The following DPYD variants were observed in gnomAD, a reference collection of about 807,000 sequenced individuals.
DPYD encodes dihydropyrimidine dehydrogenase.
In DPYD, 109 loss-of-function variants were observed where a neutral mutation model predicts 116.2. The observed-to-expected ratio is 0.94, with a 90% CI of 0.80 to 1.10. The LOEUF (loss-of-function observed/expected upper bound fraction) is 1.10, where lower values mean the gene tolerates loss of function less well. Ranked by LOEUF, DPYD falls within the 50% of genes least tolerant of loss-of-function variation. The pLI, the probability that DPYD is intolerant of heterozygous loss-of-function variation, is 0.00. For synonymous variants in DPYD, 440 were observed against 432.0 expected, an observed-to-expected ratio of 1.02 and a Z score of -0.23; for missense variants, 1,302 against 1,254.5, an observed-to-expected ratio of 1.04 and a Z score of -0.57.
At chr1:97,413,505 C>T (rs1024938653) in intron 14 of DPYD, among the ~76,000 whole-genome samples, 4 of 152,004 alleles carry the variant, frequency 2.6e-5, no homozygotes, top group Non-Finnish European at 5.9e-5. Flanking sequence ...GCTCTGTCAC[C>T]CAGGCTGGAG....
At chr1:97,341,341 C>A (rs767005960) in intron 16 of DPYD, among the ~76,000 whole-genome samples, 9 of 152,052 alleles carry the variant, frequency 5.9e-5, no homozygotes, top group Non-Finnish European at 1.3e-4. Flanking sequence ...TTGCAAAGCC[C>A]CTAATTTACT....
intron 8 of DPYD, among the ~76,000 whole-genome samples, chr1:97,634,205 C>T (rs564462286): frequency 6.6e-6 from 1 of 152,130 alleles, no homozygotes; most frequent in South Asian, 2.1e-4. Context: ...GAAAGTAAAG[C>T]CAACATGAAT....
At chr1:97,920,678 G>A (rs779358690) in intron 1 of DPYD, among the ~76,000 whole-genome samples, 1 of 152,310 alleles carries the variant, frequency 6.6e-6, no homozygotes, top group Middle Eastern at 3.4e-3. Flanking sequence ...CTCCAGTAGC[G>A]GAAAGTCCTC....
intron 12 of DPYD, among the ~76,000 whole-genome samples, chr1:97,534,927 G>T (rs77524762): frequency 0.016 from 2,505 of 151,896 alleles, 69 homozygotes; most frequent in African/African-American, 0.058. Flanking sequence ...TTATAATTCT[G>T]CCCCTTCCAT....
intron 14 of DPYD, among the ~76,000 whole-genome samples, chr1:97,396,961 A>T (rs1673042152): frequency 6.6e-6 from 1 of 151,996 alleles, no homozygotes; most frequent in Non-Finnish European, 1.5e-5. Context: ...TGTCAGATAG[A>T]TGTTTATTTA....
At chr1:97,257,807 A>T (rs1442313755) in intron 18 of DPYD, among the ~76,000 whole-genome samples, 1 of 152,050 alleles carries the variant, frequency 6.6e-6, no homozygotes, top group East Asian at 1.9e-4. Flanking sequence ...TAGGAGTTAG[A>T]CATTATCCCT....
Position 97,665,951 on chromosome 1 carries a change from A to G in DPYD, c.850+13144T>C, listed in dbSNP as rs76695943. 2.0e-3 allele frequency among the ~76,000 whole-genome samples: 305 copies of G among 152,344 alleles called. 12 individuals are homozygous for G. In the East Asian group the frequency reaches 0.049, roughly 24 times the overall value. On this transcript the variant is annotated intron_variant, in intron 8 of 22. Transcript: ENST00000370192. The stretch of plus-strand genomic sequence containing the variant: ...TCATGAAGAATCCAGAGGCAGAACA[A>G]TAAAGTGAAAAGGAAAAGTTAAAGA...
chr1:97,893,520 T>G (rs1254798229), intron 1 of DPYD, among the ~76,000 whole-genome samples: 1 of 145,614 alleles, frequency 6.9e-6, no homozygotes, highest in Non-Finnish European at 1.5e-5. Flanking sequence ...GGGTCTTTGG[T>G]CCCAACATGT....
At chr1:97,086,400 A>G (rs1649525286) in intron 21 of DPYD, among the ~76,000 whole-genome samples, 3 of 151,308 alleles carry the variant, frequency 2.0e-5, no homozygotes, top group Non-Finnish European at 4.4e-5. Context: ...TGTTTGATAT[A>G]AAGTTTAAGG....
chr1:97,462,274 T>C (rs1463554971), intron 13 of DPYD, among the ~76,000 whole-genome samples: 3 of 152,218 alleles, frequency 2.0e-5, no homozygotes, highest in Non-Finnish European at 4.4e-5. Context: ...ATTTGTTAGT[T>C]AGTTCAAACC....
At chr1:97,619,583 C>A (rs924044448) in intron 8 of DPYD, among the ~76,000 whole-genome samples, 1 of 152,088 alleles carries the variant, frequency 6.6e-6, no homozygotes, top group Non-Finnish European at 1.5e-5. Context: ...AAGGGAAACA[C>A]CGGTTACAAA....
intron 10 of DPYD, among the ~76,000 whole-genome samples, chr1:97,581,454 C>A (rs189859996): frequency 6.6e-6 from 1 of 151,142 alleles, no homozygotes; most frequent in East Asian, 2.0e-4. Context: ...CAAGGAAGGG[C>A]AGCATTGCTG....
At chr1:97,376,038 A>G (rs1671593286) in intron 15 of DPYD, among the ~76,000 whole-genome samples, 1 of 152,208 alleles carries the variant, frequency 6.6e-6, no homozygotes, top group African/African-American at 2.4e-5. Flanking sequence ...CAGATACTTT[A>G]CTATGTCCTT....
intron 12 of DPYD, among the ~76,000 whole-genome samples, chr1:97,518,340 C>G (rs1428529598): frequency 6.6e-6 from 1 of 151,998 alleles, no homozygotes; most frequent in Admixed American, 6.6e-5. Context: ...TCATACTGTG[C>G]AACACAGGGC....
intron 3 of DPYD, among the ~76,000 whole-genome samples, chr1:97,818,084 CT>C (rs1668726387): frequency 6.6e-6 from 1 of 151,990 alleles, no homozygotes; most frequent in Non-Finnish European, 1.5e-5. Flanking sequence ...CCTGACCTTG[CT>C]TGGCTCAGAG....
chr1:97,577,479 A>G (rs1469837904), intron 10 of DPYD, among the ~76,000 whole-genome samples: 1 of 152,118 alleles, frequency 6.6e-6, no homozygotes, highest in Non-Finnish European at 1.5e-5. Flanking sequence ...ACCTGTTTGG[A>G]TAACGCCCTG....
intron 18 of DPYD, among the ~76,000 whole-genome samples, chr1:97,273,071 GAGAC>G (rs1482762549): frequency 1.3e-5 from 2 of 152,086 alleles, no homozygotes; most frequent in African/African-American, 4.8e-5. Flanking sequence ...AATTAAAGAG[GAGAC>G]AGAAATGTGG....
intron 16 of DPYD, among the ~76,000 whole-genome samples, chr1:97,325,489 G>A (rs964852717): frequency 3.9e-5 from 6 of 152,088 alleles, no homozygotes; most frequent in Middle Eastern, 3.4e-3. Context: ...CCTTAAATGA[G>A]CACTTGCAAC....
At chr1:97,385,760 A>C (rs1378136147) in intron 14 of DPYD, among the ~76,000 whole-genome samples, 2 of 152,162 alleles carry the variant, frequency 1.3e-5, no homozygotes, top group Non-Finnish European at 2.9e-5. Flanking sequence ...TTGACCACAG[A>C]AATCCACAGC....
Sources: gnomAD v4.1 joint callset for allele counts (sites outside exome capture counted in the v4.1 genomes callset) on GRCh38, gnomAD v4.1.1 for gene constraint, MANE v1.5 for transcripts, NCBI Gene and HGNC (gene_info 2026-07-23, HGNC 2026-07-21) for gene names.